Variants in SPATA13 observed in about 807,000 individuals in gnomAD.
The protein encoded by SPATA13 is spermatogenesis associated 13.
In SPATA13, 50 loss-of-function variants were observed where a neutral mutation model predicts 104.0. The ratio of observed to expected loss-of-function variants is 0.48; its 90% CI spans 0.38 to 0.61. SPATA13 has a LOEUF of 0.61. Among genes scored for constraint, SPATA13 ranks in the 20% least tolerant of loss-of-function variants. The pLI, the probability that SPATA13 is intolerant of heterozygous loss-of-function variation, is 0.00. For missense variants in SPATA13, 1,524 were observed against 1,690.6 expected, an observed-to-expected ratio of 0.90 and a Z score of 1.73; for synonymous variants, 606 against 667.5, an observed-to-expected ratio of 0.91 and a Z score of 1.42.
intron 3 of SPATA13, among the ~76,000 whole-genome samples, chr13:24,045,418 T>G (rs943267399): frequency 1.3e-5 from 2 of 152,116 alleles, no homozygotes; most frequent in African/African-American, 4.8e-5. Flanking sequence ...GCATAAACAT[T>G]TTTTTCTCTC....
intron 1 of SPATA13, among the ~76,000 whole-genome samples, chr13:24,196,490 T>C (rs1326374449): frequency 6.6e-6 from 1 of 152,218 alleles, no homozygotes; most frequent in Non-Finnish European, 1.5e-5. Flanking sequence ...CTTTTACTCT[T>C]CTTTTCATTC....
At chr13:24,254,067 G>A (rs910492594) in intron 4 of SPATA13, among the ~76,000 whole-genome samples, 1 of 152,094 alleles carries the variant, frequency 6.6e-6, no homozygotes, top group Non-Finnish European at 1.5e-5. Context: ...ATTTGAAGGC[G>A]ATTGCATTAG....
intron 3 of SPATA13, among the ~76,000 whole-genome samples, chr13:24,074,542 A>G (rs1009188144): frequency 6.6e-5 from 10 of 152,168 alleles, no homozygotes; most frequent in African/African-American, 2.4e-4. Flanking sequence ...TGTATCAGGC[A>G]CTGCTCTAAC....
At chr13:24,278,891 TC>T in intron 4 of SPATA13, 4 of 1,067,770 alleles carry the variant, frequency 3.7e-6, no homozygotes, top group East Asian at 6.2e-5. Context: ...CTTCCTTCCT[TC>T]CTTCCTTCCT....
At chr13:24,030,593 G>A (rs954611548) in intron 3 of SPATA13, among the ~76,000 whole-genome samples, 4 of 152,098 alleles carry the variant, frequency 2.6e-5, no homozygotes, top group South Asian at 2.1e-4. Context: ...TGTCCCCAGC[G>A]CCCTAGAACT....
chr13:24,093,925 T>C (rs1879986707), intron 3 of SPATA13, among the ~76,000 whole-genome samples: 1 of 148,652 alleles, frequency 6.7e-6, no homozygotes, highest in Admixed American at 6.8e-5. Context: ...AATCAGACTA[T>C]ATACCTCAGG....
intron 8 of SPATA13, among the ~76,000 whole-genome samples, chr13:24,289,910 C>G (rs1038113792): frequency 1.3e-5 from 2 of 152,194 alleles, no homozygotes; most frequent in African/African-American, 2.4e-5. Flanking sequence ...CAGTAGCTGT[C>G]TAGAGTCCTC....
At chr13:24,000,711 G>A (rs1034906773) in intron 2 of SPATA13, among the ~76,000 whole-genome samples, 1 of 152,074 alleles carries the variant, frequency 6.6e-6, no homozygotes, top group Non-Finnish European at 1.5e-5. Context: ...CCTTGGGTTA[G>A]AGGTGTGAAT....
At chr13:24,118,137 C>T (rs1262685324) in intron 3 of SPATA13, among the ~76,000 whole-genome samples, 4 of 152,142 alleles carry the variant, frequency 2.6e-5, no homozygotes, top group African/African-American at 4.8e-5. Flanking sequence ...TGGAACAGCA[C>T]GTAACTCCAA....
chr13:24,154,653 T>C (rs1882206318), intron 3 of SPATA13, among the ~76,000 whole-genome samples: 1 of 152,214 alleles, frequency 6.6e-6, no homozygotes, highest in Non-Finnish European at 1.5e-5. Flanking sequence ...ACATTTATTT[T>C]CACACTTTTA....
chr13:24,100,459 ACTCTCG>A (rs1880223737), intron 3 of SPATA13, among the ~76,000 whole-genome samples: 3 of 151,696 alleles, frequency 2.0e-5, no homozygotes, highest in Admixed American at 2.0e-4. Context: ...CCTGTCTCTC[ACTCTCG>A]CTCTCACTCC....
intron 3 of SPATA13, among the ~76,000 whole-genome samples, chr13:24,120,350 C>G (rs1211752337): frequency 1.3e-5 from 2 of 152,240 alleles, no homozygotes; most frequent in Non-Finnish European, 2.9e-5. Flanking sequence ...GGGTCACTAA[C>G]TTTGACACTT....
chr13:24,069,925 G>A (rs111422909), intron 3 of SPATA13, among the ~76,000 whole-genome samples: 2,527 of 152,300 alleles, frequency 0.017, 25 homozygotes, highest in Non-Finnish European at 0.027. Context: ...AGAGGCCAAA[G>A]GAAGGTCCCC....
At chr13:23,996,680 T>G (rs1875711130) in intron 2 of SPATA13, among the ~76,000 whole-genome samples, 1 of 152,216 alleles carries the variant, frequency 6.6e-6, no homozygotes, top group Admixed American at 6.5e-5. Flanking sequence ...TACACATCAA[T>G]GAGGTTACAG....
intron 1 of SPATA13, among the ~76,000 whole-genome samples, chr13:23,980,129 G>C (rs1874808419): frequency 6.6e-6 from 1 of 152,146 alleles, no homozygotes; most frequent in South Asian, 2.1e-4. Flanking sequence ...GGCCGAGCTT[G>C]CAGTGAGCCG....
intron 4 of SPATA13, among the ~76,000 whole-genome samples, chr13:24,283,688 A>G (rs760461552): frequency 3.9e-5 from 6 of 152,230 alleles, no homozygotes; most frequent in Non-Finnish European, 8.8e-5. Flanking sequence ...TACTCAAGAC[A>G]CTGTTGGGAT....
intron 1 of SPATA13, among the ~76,000 whole-genome samples, chr13:24,211,740 G>A (rs570870181): frequency 6.6e-6 from 1 of 152,098 alleles, no homozygotes; most frequent in South Asian, 2.1e-4. Flanking sequence ...TGACGATGAT[G>A]GCCTCTGCTG....
intron 3 of SPATA13, among the ~76,000 whole-genome samples, chr13:24,116,125 A>T (rs1352770862): frequency 1.3e-5 from 2 of 152,232 alleles, no homozygotes; most frequent in African/African-American, 4.8e-5. Flanking sequence ...CCATGAACTG[A>T]GTGGCTCATG....
At position 24,131,438 on chromosome 13, in the gene SPATA13, C is replaced by T. The variant is rs117208170; in HGVS notation, c.-111-91381C>T. Among the ~76,000 whole-genome samples the T allele has an allele frequency of 7.6e-3, 1,161 of 152,226 alleles. 8 individuals are homozygous for T. The highest frequency in any genetic ancestry group is 0.01 in the Non-Finnish European group (708 of 68,022). On this transcript the variant is annotated intron_variant, in intron 3 of 14. Coordinates refer to the SPATA13 transcript ENST00000424834. ...TACTTACCTGACCTGGGCACTGAAG[C>T]GCCTTATCTTGTTTACCTCAGAATC...
Sources: gnomAD v4.1 joint callset for allele counts (sites outside exome capture counted in the v4.1 genomes callset) on GRCh38, gnomAD v4.1.1 for gene constraint, MANE v1.5 for transcripts, NCBI Gene and HGNC (gene_info 2026-07-23, HGNC 2026-07-21) for gene names.